The following MYBL1 variants were observed in gnomAD, a reference collection of about 807,000 sequenced individuals.
MYBL1 encodes myb-related protein A.
MYBL1 carries 17 observed loss-of-function variants against 96.3 expected under a neutral mutation model. The observed-to-expected ratio is 0.18, with a 90% CI of 0.12 to 0.26. MYBL1 has a LOEUF of 0.26. MYBL1 is among the 10% of genes least tolerant of loss of function. MYBL1 has a pLI of 1.00. For synonymous variants in MYBL1, 282 were observed against 292.7 expected, an observed-to-expected ratio of 0.96 and a Z score of 0.37; for missense variants, 701 against 882.9, an observed-to-expected ratio of 0.79 and a Z score of 2.61.
chr8:66,597,247 G>A (rs190414787), intron 5 of MYBL1, 83 bp downstream of exon 5: 56 of 968,166 alleles, frequency 5.8e-5, no homozygotes, highest in South Asian at 9.7e-5. Flanking sequence ...ATAAGTCATC[G>A]GGGACTTGCA....
chr8:66,572,414 G>T, intron 12 of MYBL1, 68 bp downstream of exon 12: 3 of 687,464 alleles, frequency 4.4e-6, no homozygotes, highest in South Asian at 2.6e-5. Context: ...AAATCAAAGT[G>T]ATAAAAATCA....
chr8:66,599,262 C>T (rs1809971765), intron 3 of MYBL1, 120 bp from the exon 4 acceptor site: 1 of 543,842 alleles, frequency 1.8e-6, no homozygotes, highest in Non-Finnish European at 3.1e-6. Flanking sequence ...CAATAGCATT[C>T]TTTAAACATG....
At chr8:66,610,061 G>A (rs1810469963) in intron 1 of MYBL1, among the ~76,000 whole-genome samples, 1 of 152,034 alleles carries the variant, frequency 6.6e-6, no homozygotes, top group East Asian at 1.9e-4. Flanking sequence ...CATCTCAAGT[G>A]TAAATAATCT....
chr8:66,612,810 G>T lies in MYBL1; in HGVS notation c.20+9C>A. ...GCCGACAGGCCTGGGCGAAAGGGGT[G>T]CCACCCACCTGCGCGACCTCTTCGC... On this transcript the variant is annotated intron_variant, in intron 1 of 15. Coordinates refer to ENST00000522677, the MANE Select transcript of MYBL1 (RefSeq NM_001080416.4). The T allele has an allele frequency of 7.3e-7, 1 of 1,369,260 alleles. No homozygotes were observed. 84.8% of individuals were successfully genotyped at this position (1,369,260 alleles called of 1,614,324 possible). A position where few individuals can be genotyped will look rare whatever the true frequency, so the allele number is the denominator to read the frequency against.
rs978084283 is a variant in MYBL1, at chr8:66,564,404, A to G, written c.*293T>C. On this transcript the variant is annotated 3_prime_UTR_variant, in exon 16 of 16. Coordinates refer to ENST00000522677, the MANE Select transcript of MYBL1 (RefSeq NM_001080416.4). ...GAGTAGCAACATATATCTTGTGAAG[A>G]AAATATATGAGAATTTACTTTTAGA... 5.3e-6 allele frequency: 1 copy of G among 189,384 alleles called. No homozygotes were observed. Among genetic ancestry groups the G allele is most frequent in the African/African-American group, 2.3e-5 (1 of 42,726 alleles). 11.7% of individuals were successfully genotyped at this position (189,384 alleles called of 1,614,324 possible).
Position 66,595,730 on chromosome 8 carries a change from C to G in MYBL1, c.540G>C (p.Trp180Cys). ...GRTDNSIKNH[W>C]NSTMRRKVEQ... ...CCACTTTTCTTCGCATAGTAGAATT[C>G]CAATGATTTTTGATAGAATTATCAG... Residue 180 changes from tryptophan to cysteine, a missense_variant, in exon 6 of 16, where the codon TGG becomes TGC. Coordinates refer to ENST00000522677, the MANE Select transcript of MYBL1 (RefSeq NM_001080416.4). 6.4e-7 allele frequency: 1 copy of G among 1,564,920 alleles called. No individual in the cohort carries two copies. Among genetic ancestry groups the G allele is most frequent in the Non-Finnish European group, 8.7e-7 (1 of 1,153,366 alleles).
At chr8:66,573,295 CA>C in intron 11 of MYBL1, 68 bp downstream of exon 11, 1 of 1,376,128 alleles carries the variant, frequency 7.3e-7, no homozygotes. Flanking sequence ...TTTATATGCA[CA>C]AAAAGCTAAT....
chr8:66,574,596 A>C (rs895241159), intron 10 of MYBL1, among the ~76,000 whole-genome samples: 4 of 152,220 alleles, frequency 2.6e-5, no homozygotes, highest in African/African-American at 9.6e-5. Flanking sequence ...TTGTTTGACC[A>C]TTAAACTCCC....
At chr8:66,599,704 G>A (rs1014170721) in intron 3 of MYBL1, among the ~76,000 whole-genome samples, 1 of 152,090 alleles carries the variant, frequency 6.6e-6, no homozygotes, top group Non-Finnish European at 1.5e-5. Flanking sequence ...TAAGGCTGAG[G>A]CAGAAGAATT....
intron 1 of MYBL1, among the ~76,000 whole-genome samples, chr8:66,608,499 G>T (rs1374261829): frequency 6.6e-6 from 1 of 152,000 alleles, no homozygotes; most frequent in East Asian, 1.9e-4. Context: ...CCAAAAAAAA[G>T]ATCCTAGATA....
chr8:66,573,355 C>T lies in MYBL1; in HGVS notation c.1613+9G>A, dbSNP rs1050889195. 1 of 1,597,952 alleles carries T rather than the reference C, an allele frequency of 6.3e-7. No homozygotes were observed. The highest frequency in any genetic ancestry group is 1.4e-5 in the African/African-American group (1 of 73,992). ...TTTTCTCTAACACAATTATTTAATA[C>T]CTACTTACCCTACATTTTCCTTTTG... is the stretch of plus-strand genomic sequence containing the variant. On this transcript the variant is annotated intron_variant, in intron 11 of 15. Transcript: ENST00000522677.
At chr8:66,582,858 T>C (rs1809273002) in intron 8 of MYBL1, among the ~76,000 whole-genome samples, 1 of 152,162 alleles carries the variant, frequency 6.6e-6, no homozygotes, top group African/African-American at 2.4e-5. Context: ...GCAAATACTA[T>C]TTGATCTAAA....
At chr8:66,612,407 G>A (rs1810565757) in intron 1 of MYBL1, 2 of 202,170 alleles carry the variant, frequency 9.9e-6, no homozygotes, top group Non-Finnish European at 2.0e-5. Context: ...TATTTTGACT[G>A]TACCGTCATT....
At chr8:66,606,582 T>C (rs1275862810) in intron 1 of MYBL1, among the ~76,000 whole-genome samples, 1 of 152,226 alleles carries the variant, frequency 6.6e-6, no homozygotes, top group African/African-American at 2.4e-5. Flanking sequence ...CTATAGATCC[T>C]TTGTAGGAAC....
chr8:66,598,991 T>C, intron 4 of MYBL1, 59 bp downstream of exon 4: 4 of 1,157,876 alleles, frequency 3.5e-6, no homozygotes, highest in Non-Finnish European at 3.5e-6. Context: ...AAACAACACA[T>C]TAAAAAGAAA....
chr8:66,599,020 T>A, intron 4 of MYBL1, 30 bp downstream of exon 4: 2 of 1,402,048 alleles, frequency 1.4e-6, no homozygotes, highest in Non-Finnish European at 9.6e-7. Context: ...TCTACCTACA[T>A]AGTGAATATA....
chr8:66,564,833 G>T lies in MYBL1; in HGVS notation c.2131-8C>A. ...TTCCCATTCACAATTTGACTAGAAAGGAAATATTAATAGTGACATGAAAAT... is the reference window on the plus strand; with the variant it reads ...TTCCCATTCACAATTTGACTAGAAATGAAATATTAATAGTGACATGAAAAT... On this transcript the variant is annotated splice_polypyrimidine_tract_variant and splice_region_variant and intron_variant, in intron 15 of 15. Coordinates refer to ENST00000522677, the MANE Select transcript of MYBL1 (RefSeq NM_001080416.4). The T allele has an allele frequency of 3.9e-6, 6 of 1,544,276 alleles. No homozygotes were observed. The highest frequency in any genetic ancestry group is 5.3e-6 in the Non-Finnish European group (6 of 1,138,464).
Position 66,576,005 on chromosome 8 carries a change from A to G in MYBL1, c.1470+2T>C. 2 of 1,608,990 alleles carry G rather than the reference A, an allele frequency of 1.2e-6. No homozygotes were observed. The highest frequency in any genetic ancestry group is 1.7e-6 in the Non-Finnish European group (2 of 1,176,406). On this transcript the variant is annotated splice_donor_variant, in intron 10 of 15. Transcript: ENST00000522677. LOFTEE classifies it high-confidence loss of function. ...AAACATAAACAAAATGAACACCACTACCTGTGAAGGAGAAAATGGTAGTGT... is the reference window on the plus strand; with the variant it reads ...AAACATAAACAAAATGAACACCACTGCCTGTGAAGGAGAAAATGGTAGTGT...
At chr8:66,592,150 CA>C (rs1809672320) in intron 8 of MYBL1, among the ~76,000 whole-genome samples, 2 of 152,042 alleles carry the variant, frequency 1.3e-5, no homozygotes, top group Admixed American at 1.3e-4. Flanking sequence ...CCTGTAGTCC[CA>C]GCTACTTGAG....
Sources: allele counts gnomAD v4.1 joint callset (sites outside exome capture counted in the v4.1 genomes callset), GRCh38; gene constraint gnomAD v4.1.1; transcripts MANE v1.5; gene names NCBI Gene and HGNC (gene_info 2026-07-23, HGNC 2026-07-21).